Variants in ADAMTS3 observed in about 807,000 individuals in gnomAD.
ADAMTS3 encodes ADAM metallopeptidase with thrombospondin type 1 motif 3.
Under a neutral mutation model 129.0 loss-of-function variants are expected in ADAMTS3, and 73 were observed. The observed-to-expected ratio is 0.57, with a 90% CI of 0.47 to 0.69. The LOEUF is 0.69. ADAMTS3 is among the 30% of genes least tolerant of loss of function. The pLI, the probability that ADAMTS3 is intolerant of heterozygous loss-of-function variation, is 0.00. For synonymous variants in ADAMTS3, 477 were observed against 510.8 expected (o/e 0.93, Z 0.89); for missense variants, 1,457 against 1,514.5 (o/e 0.96, Z 0.63).
At chr4:72,384,813 C>CA (rs1163338951) in intron 4 of ADAMTS3, among the ~76,000 whole-genome samples, 1 of 151,746 alleles carries the variant, frequency 6.6e-6, no homozygotes, top group South Asian at 2.1e-4. Context: ...ACGTTTAAAG[C>CA]AAAAAATATA....
At position 72,324,154 on chromosome 4, in the gene ADAMTS3, C is replaced by T. The variant is rs112147386; in HGVS notation, c.862-1057G>A. On this transcript the variant is annotated intron_variant, in intron 5 of 21. Coordinates refer to ENST00000286657, the MANE Select transcript of ADAMTS3 (RefSeq NM_014243.3). ...ATCCAGGAGATTTGAACAGTAGACA[C>T]AGCAACCTGAAAGCTGCACAGAAAA... Among the ~76,000 whole-genome samples, 241 of 152,288 alleles carry T rather than the reference C, an allele frequency of 1.6e-3. 2 individuals carry two copies. The highest frequency in any genetic ancestry group is 5.6e-3 in the African/African-American group (233 of 41,560).
intron 4 of ADAMTS3, among the ~76,000 whole-genome samples, chr4:72,410,767 T>C (rs1722167042): frequency 1.3e-5 from 2 of 149,958 alleles, no homozygotes; most frequent in Admixed American, 1.4e-4. Flanking sequence ...TGTTACCAAT[T>C]AGAGTTTCAA....
At chr4:72,409,306 A>AT (rs1345778141) in intron 4 of ADAMTS3, among the ~76,000 whole-genome samples, 2 of 152,184 alleles carry the variant, frequency 1.3e-5, no homozygotes, top group Non-Finnish European at 2.9e-5. Context: ...CTGCTTCCTC[A>AT]TGAATCAGTA....
chr4:72,298,701 TA>T (rs776460883), intron 17 of ADAMTS3, among the ~76,000 whole-genome samples: 1 of 151,954 alleles, frequency 6.6e-6, no homozygotes, highest in Admixed American at 6.6e-5. Context: ...ATTATAAAAA[TA>T]ATAACTTTAT....
intron 14 of ADAMTS3, 146 bp from the exon 15 acceptor site, chr4:72,309,666 C>T (rs1719179626): frequency 2.5e-6 from 2 of 785,396 alleles, no homozygotes; most frequent in African/African-American, 1.7e-5. Context: ...ATTTTTAATA[C>T]CTCAGTTTTT....
intron 1 of ADAMTS3, among the ~76,000 whole-genome samples, chr4:72,568,232 C>T (rs1722071734): frequency 6.6e-6 from 1 of 152,162 alleles, no homozygotes; most frequent in South Asian, 2.1e-4. Flanking sequence ...CCGCCTCCGG[C>T]TGCCCGAAAA....
chr4:72,444,139 T>A (rs1560517636), intron 3 of ADAMTS3, among the ~76,000 whole-genome samples: 1 of 151,754 alleles, frequency 6.6e-6, no homozygotes, highest in Non-Finnish European at 1.5e-5. Flanking sequence ...CCAGTGCTTC[T>A]AAGCACTTCC....
chr4:72,354,009 C>A (rs1366519667), intron 4 of ADAMTS3, among the ~76,000 whole-genome samples: 2 of 151,880 alleles, frequency 1.3e-5, no homozygotes, highest in African/African-American at 2.4e-5. Flanking sequence ...ACAAAATCAC[C>A]TATTCATATA....
At chr4:72,420,350 T>G (rs574733023) in intron 3 of ADAMTS3, among the ~76,000 whole-genome samples, 1 of 152,304 alleles carries the variant, frequency 6.6e-6, no homozygotes, top group South Asian at 2.1e-4. Context: ...TTAAGACCTT[T>G]GCACTGGCTC....
At chr4:72,551,820 T>C (rs1483003560) in intron 2 of ADAMTS3, among the ~76,000 whole-genome samples, 1 of 152,192 alleles carries the variant, frequency 6.6e-6, no homozygotes, top group Non-Finnish European at 1.5e-5. Flanking sequence ...CATGCTCCTA[T>C]GCTCTCGTTC....
intron 4 of ADAMTS3, among the ~76,000 whole-genome samples, chr4:72,371,779 C>A (rs552975266): frequency 2.6e-5 from 4 of 151,930 alleles, no homozygotes; most frequent in Admixed American, 6.6e-5. Context: ...AATTAACAAA[C>A]TTGACTTGGT....
intron 3 of ADAMTS3, among the ~76,000 whole-genome samples, chr4:72,545,676 T>C (rs145715680): frequency 2.6e-4 from 40 of 152,268 alleles, no homozygotes; most frequent in Non-Finnish European, 5.1e-4. Context: ...ATGTAATCCA[T>C]GAAGGCACAG....
At chr4:72,550,026 A>G (rs1379121888) in intron 2 of ADAMTS3, among the ~76,000 whole-genome samples, 1 of 3,664 alleles carries the variant, frequency 2.7e-4, no homozygotes, top group African/African-American at 7.5e-4. Context: ...GAAGAAGAAG[A>G]AGAAGAAGAA....
At chr4:72,348,207 C>T (rs767107919) in intron 4 of ADAMTS3, among the ~76,000 whole-genome samples, 31 of 151,906 alleles carry the variant, frequency 2.0e-4, no homozygotes, top group South Asian at 4.2e-4. Flanking sequence ...GAACTTACAT[C>T]CCAGTGATAA....
intron 2 of ADAMTS3, among the ~76,000 whole-genome samples, chr4:72,549,965 G>A (rs939376157): frequency 0.054 from 1,125 of 20,730 alleles, 116 homozygotes; most frequent in African/African-American, 0.3. Context: ...AAAAAAAAAA[G>A]AAGAAGAAGA....
In ADAMTS3 at chr4:72,290,895, A is replaced by C. The variant is rs983167097; in HGVS notation, c.2891T>G (p.Val964Gly). The change falls in exon 20 of 22, where the codon GTG becomes GGG. Residue 964 changes from valine (V) to glycine (G), a missense_variant. Physicochemically the swap from Val to Gly is moderately radical, Grantham distance 109. Coordinates refer to ENST00000286657, the MANE Select transcript of ADAMTS3 (RefSeq NM_014243.3). ...TGTTTTCCACTGTGCAGGGCAGGGC[A>C]CTCTGTTACAGGGCCGGCGGCTCTC... ...RPESRRPCNR[V>G]PCPAQWKTGP... The C allele has an allele frequency of 6.2e-7, 1 of 1,613,676 alleles. No individual in the cohort carries two copies. The highest frequency in any genetic ancestry group is 1.3e-5 in the African/African-American group (1 of 74,848).
At chr4:72,450,596 A>G (rs531625735) in intron 3 of ADAMTS3, among the ~76,000 whole-genome samples, 2 of 151,904 alleles carry the variant, frequency 1.3e-5, no homozygotes, top group East Asian at 3.9e-4. Context: ...ACTGATGCCA[A>G]CACCACTAAT....
rs954147755 is a variant in ADAMTS3 at position 72,550,117 on chromosome 4, A to C, written c.98-1233T>G. ...AAGAAGAAGAAGAAGAAGAAGAAGA[A>C]GGCATAGAAAGGGAAATCTAAAAAC... On this transcript the variant is annotated intron_variant, in intron 2 of 21. Transcript: ENST00000286657. Among the ~76,000 whole-genome samples, 30 of 144,998 alleles carry C rather than the reference A, an allele frequency of 2.1e-4. 6 individuals are homozygous for C. Among genetic ancestry groups the C allele is most frequent in the South Asian group, 9.1e-4 (4 of 4,394 alleles).
intron 3 of ADAMTS3, among the ~76,000 whole-genome samples, chr4:72,468,298 C>G (rs1169823517): frequency 6.6e-6 from 1 of 152,050 alleles, no homozygotes; most frequent in African/African-American, 2.4e-5. Flanking sequence ...GAATTTCAAA[C>G]TTCTTCACAG....
Sources: allele counts gnomAD v4.1 joint callset (sites outside exome capture counted in the v4.1 genomes callset), GRCh38; gene constraint gnomAD v4.1.1; transcripts MANE v1.5; gene names NCBI Gene and HGNC (gene_info 2026-07-23, HGNC 2026-07-21).